The following EIF4G2 variants were observed in gnomAD, a reference collection of about 807,000 sequenced individuals.
EIF4G2 encodes DAP-5.
In EIF4G2, 8 loss-of-function variants were observed where a neutral mutation model predicts 117.7. The observed-to-expected ratio is 0.07, with a 90% confidence interval of 0.04 to 0.12. EIF4G2 has a LOEUF of 0.12. Ranked by LOEUF, EIF4G2 falls within the 10% of genes least tolerant of loss-of-function variation. The probability of loss-of-function intolerance (pLI) is 1.00; values close to 1 mark genes in which losing one functional copy is unlikely to be tolerated. For synonymous variants in EIF4G2, 413 were observed against 367.8 expected (o/e 1.12, Z -1.41); for missense variants, 812 against 1,086.2 (o/e 0.75, Z 3.55).
chr11:10,805,258 G>A (rs1847530843), intron 4 of EIF4G2, among the ~76,000 whole-genome samples: 1 of 152,114 alleles, frequency 6.6e-6, no homozygotes, highest in Non-Finnish European at 1.5e-5. Flanking sequence ...CTTTCTCAAG[G>A]TTAGAGCGCA....
intron 5 of EIF4G2, 146 bp downstream of exon 5, chr11:10,804,767 T>G: frequency 1.5e-6 from 1 of 668,716 alleles, no homozygotes; most frequent in Non-Finnish European, 2.6e-6. Flanking sequence ...GTGGTTCTTT[T>G]TAATCACCAT....
In EIF4G2 at chr11:10,803,550, C is replaced by T; in HGVS notation, c.743G>A (p.Gly248Glu). ...CTGACAGAGGCACTCCAAATCCTCTCCCATATCTTTGAGTTGGACTCTCTT... is the reference window on the plus strand; with the variant it reads ...CTGACAGAGGCACTCCAAATCCTCTTCCATATCTTTGAGTTGGACTCTCTT... Residue 248 changes from glycine (G) to glutamate (E), a missense_variant, in exon 9 of 22, where the codon GGA becomes GAA. Around this residue, in one of 4 missense-constraint regions of EIF4G2, gnomAD observed 154 missense variants for 322.1 expected, o/e 0.48. Coordinates refer to ENST00000339995, the MANE Select transcript of EIF4G2 (RefSeq NM_001418.4). This position sits in a 1 kb window ranked among gnomAD's most constrained non-coding sequence, Gnocchi z 4.0. 1 of 1,614,064 alleles carries T rather than the reference C, an allele frequency of 6.2e-7. No homozygotes were observed. Among genetic ancestry groups the T allele is most frequent in the South Asian group, 1.1e-5 (1 of 91,090 alleles).
intron 14 of EIF4G2, 170 bp from the exon 15 acceptor site, chr11:10,801,257 T>C: frequency 1.2e-6 from 1 of 849,702 alleles, no homozygotes; most frequent in South Asian, 1.8e-5. Flanking sequence ...GCAAAAAATT[T>C]AAAGATCTGA....
At chr11:10,807,129 T>C in intron 2 of EIF4G2, 126 bp downstream of exon 2, 2 of 1,403,816 alleles carry the variant, frequency 1.4e-6, no homozygotes, top group Middle Eastern at 3.9e-4. Context: ...TAGAAGGCTG[T>C]CAATGAAAAC....
chr11:10,806,296 G>A (rs921615092), intron 3 of EIF4G2: 5 of 537,358 alleles, frequency 9.3e-6, no homozygotes, highest in Non-Finnish European at 1.7e-5. Flanking sequence ...GAATTTGCAT[G>A]TCTAGTAAAT....
In EIF4G2 at chr11:10,799,052, G is replaced by A. The variant is rs764995237; in HGVS notation, c.2598C>T (p.Phe866=). The stretch of plus-strand genomic sequence containing the variant: ...GGGTTATATCTTCTTTCCAAGCCAA[G>A]AAAGCTTCTTCTTCAATAATTTCCA... Residue 866 remains phenylalanine (F), a synonymous_variant, in exon 21 of 22, where the codon TTC becomes TTT. Transcript: ENST00000339995. 1.2e-6 allele frequency: 2 copies of A among 1,601,050 alleles called. No homozygotes were observed. The highest frequency in any genetic ancestry group is 2.3e-5 in the East Asian group (1 of 44,400).
rs538114641 is a variant in EIF4G2 at position 10,799,268 on chromosome 11, T to A, written c.2481A>T (p.Gln827His). The change falls in exon 20 of 22, where the codon CAA becomes CAT. Residue 827 changes from glutamine to histidine, a missense_variant. This residue lies in a region of EIF4G2 where 571 missense variants were observed against 642.3 expected (regional missense o/e 0.89). Coordinates refer to ENST00000339995, the MANE Select transcript of EIF4G2 (RefSeq NM_001418.4). The stretch of plus-strand genomic sequence containing the variant: ...CCTGGAGAGCATACAGGGCACTGAC[T>A]TGTAGATCAACGTGATCATGAAGAA... The A allele has an allele frequency of 6.2e-7, 1 of 1,614,094 alleles. No individual in the cohort carries two copies. Among genetic ancestry groups the A allele is most frequent in the Admixed American group, 1.7e-5 (1 of 60,004 alleles).
At position 10,802,064 on chromosome 11, in the gene EIF4G2, C is replaced by T. The variant is rs948850303; in HGVS notation, c.1284G>A (p.Lys428=). The T allele has an allele frequency of 1.8e-6, 1 of 549,022 alleles. No homozygotes were observed. The highest frequency in any genetic ancestry group is 1.2e-4 in the Admixed American group (1 of 8,148). The allele number at this position is 549,022 out of a possible 1,614,324, so 34.0% of individuals were successfully genotyped here. A position where few individuals can be genotyped will look rare whatever the true frequency, so the allele number is the denominator to read the frequency against. Residue 428 remains lysine (K), a synonymous_variant, in exon 13 of 22, where the codon AAG becomes AAA. Coordinates refer to ENST00000339995, the MANE Select transcript of EIF4G2 (RefSeq NM_001418.4). ...TATTACTTACCTGGCTTTTCATAAA[C>T]TTGCCTCCCATCTCTCCAAACTGCG...
At chr11:10,799,920 G>C in intron 18 of EIF4G2, 164 bp from the exon 19 acceptor site, 1 of 1,143,922 alleles carries the variant, frequency 8.7e-7, no homozygotes, top group Non-Finnish European at 1.2e-6. Context: ...CGGATCAAAT[G>C]AAAGTAGTTA....
chr11:10,800,153 C>T lies in EIF4G2; in HGVS notation c.2056G>A (p.Asp686Asn). ...AAAAGTTCTGTTAACCATTCTCGAT[C>T]TTGTAATTTAGCTAACTGCTGAAGA... is the stretch of plus-strand genomic sequence containing the variant. Residue 686 changes from aspartate (D) to asparagine (N), a missense_variant, in exon 18 of 22, where the codon GAT becomes AAT. Around this residue, in one of 4 missense-constraint regions of EIF4G2, gnomAD observed 571 missense variants for 642.3 expected, o/e 0.89. Transcript: ENST00000339995. 6.2e-7 allele frequency: 1 copy of T among 1,614,134 alleles called. No individual in the cohort carries two copies. The highest frequency in any genetic ancestry group is 1.1e-5 in the South Asian group (1 of 91,074).
rs948904058 is a variant in EIF4G2 at position 10,801,773 on chromosome 11, C to T, written c.1301G>A (p.Gly434Glu). ...CTGGTTATGGTAGAGCTGGCTTAGC[C>T]CCTATTTCAGAAAAGGAGAAAGAAA... Residue 434 changes from glycine (G) to glutamate (E), a missense_variant and splice_region_variant, in exon 14 of 22, where the codon GGG becomes GAG. This residue lies in a region of EIF4G2 where 571 missense variants were observed against 642.3 expected (regional missense o/e 0.89). Coordinates refer to ENST00000339995, the MANE Select transcript of EIF4G2 (RefSeq NM_001418.4). 1 of 1,612,110 alleles carries T rather than the reference C, an allele frequency of 6.2e-7. No homozygotes were observed. The highest frequency in any genetic ancestry group is 8.5e-7 in the Non-Finnish European group (1 of 1,179,522).
rs757283628 is a variant in EIF4G2 at position 10,803,292 on chromosome 11, G to A, written c.816C>T (p.Ser272=). 136 of 1,613,022 alleles carry A rather than the reference G, an allele frequency of 8.4e-5. No individual in the cohort carries two copies. Among genetic ancestry groups the A allele is most frequent in the Non-Finnish European group, 1.1e-4 (133 of 1,179,718 alleles). ...TTCGGGCAAAGTACTGATCCATTAA[G>A]GACTGATAAGAGAAGAATACATTCA... Residue 272 remains serine (S), a splice_region_variant and synonymous_variant, in exon 10 of 22, where the codon TCC becomes TCT. Transcript: ENST00000339995. This position sits in a 1 kb window ranked among gnomAD's most constrained non-coding sequence, Gnocchi z 4.0.
At position 10,799,509 on chromosome 11, in the gene EIF4G2, A is replaced by G. The variant is rs372279882; in HGVS notation, c.2324+43T>C. The G allele has an allele frequency of 1.1e-3, 1,720 of 1,608,770 alleles. 3 individuals carry two copies. Among genetic ancestry groups the G allele is most frequent in the Middle Eastern group, 3.8e-3 (23 of 6,032 alleles). The stretch of plus-strand genomic sequence containing the variant: ...TCTTAGTCTCCTACGCTTCTTTTCC[A>G]GTACATGAAACATTACCATATGCAG... On this transcript the variant is annotated intron_variant, in intron 19 of 21. Coordinates refer to ENST00000339995, the MANE Select transcript of EIF4G2 (RefSeq NM_001418.4).
intron 18 of EIF4G2, 75 bp downstream of exon 18, chr11:10,800,015 A>T: frequency 6.6e-7 from 1 of 1,519,570 alleles, no homozygotes; most frequent in South Asian, 1.3e-5. Flanking sequence ...TGACCTACAT[A>T]AATCCACTCA....
chr11:10,798,992 C>G lies in EIF4G2; in HGVS notation c.2658G>C (p.Gln886His), dbSNP rs773622044. The G allele has an allele frequency of 6.3e-7, 1 of 1,593,718 alleles. No individual in the cohort carries two copies. The highest frequency in any genetic ancestry group is 8.5e-7 in the Non-Finnish European group (1 of 1,174,872). ...ACCAAATTTTTAACAAAAGACTTACCTGGAACAAAGCCTTGCCTTTTCCCG... is the reference window on the plus strand; with the variant it reads ...ACCAAATTTTTAACAAAAGACTTACGTGGAACAAAGCCTTGCCTTTTCCCG... Residue 886 changes from glutamine (Q) to histidine (H), a missense_variant and splice_region_variant, in exon 21 of 22, where the codon CAG becomes CAC. Transcript: ENST00000339995.
In EIF4G2 at chr11:10,801,732, A is replaced by C; in HGVS notation, c.1342T>G (p.Ser448Ala). 1 of 1,614,158 alleles carries C rather than the reference A, an allele frequency of 6.2e-7. No individual in the cohort carries two copies. Among genetic ancestry groups the C allele is most frequent in the Non-Finnish European group, 8.5e-7 (1 of 1,180,028 alleles). ...TCCTTCGACTGTCCTTGCAGCTGGG[A>C]TAAGAGTCCCTGACTCTGGTTATGG... The change falls in exon 14 of 22, where the codon TCC becomes GCC. Residue 448 changes from serine (S) to alanine (A), a missense_variant. By Grantham distance (99) the Ser-to-Ala change is moderately conservative (BLOSUM62 1). Around this residue, in one of 4 missense-constraint regions of EIF4G2, gnomAD observed 571 missense variants for 642.3 expected, o/e 0.89. Transcript: ENST00000339995.
At chr11:10,807,532 AC>A (rs1174328469) in intron 1 of EIF4G2, 151 bp from the exon 2 acceptor site, 18 of 1,297,004 alleles carry the variant, frequency 1.4e-5, no homozygotes, top group Non-Finnish European at 1.8e-5. Flanking sequence ...ACTGACAATT[AC>A]ATTTTGTTTA....
At chr11:10,806,213 CCTGAAGGG>C in intron 3 of EIF4G2, 166 bp from the exon 4 acceptor site, 1 of 898,080 alleles carries the variant, frequency 1.1e-6, no homozygotes. Context: ...ATCAGAATCA[CCTGAAGGG>C]CTTGTTAATA....
Position 10,806,056 on chromosome 11 carries a change from T to C in EIF4G2, c.108-9A>G, listed in dbSNP as rs1847560311. ...TTTTCCCCAGGAACTCGCTGATTAA[T>C]AAAAATCAGCAAAAACACTTATTGT... is the stretch of plus-strand genomic sequence containing the variant. On this transcript the variant is annotated splice_polypyrimidine_tract_variant and intron_variant, in intron 3 of 21. Transcript: ENST00000339995. 2 of 1,614,014 alleles carry C rather than the reference T, an allele frequency of 1.2e-6. No homozygotes were observed. Among genetic ancestry groups the C allele is most frequent in the East Asian group, 4.5e-5 (2 of 44,900 alleles).
Sources: allele counts gnomAD v4.1 joint callset (sites outside exome capture counted in the v4.1 genomes callset), GRCh38; gene constraint gnomAD v4.1.1; regional missense constraint gnomAD v4.1.1; non-coding constraint Gnocchi (gnomAD v3.1); transcripts MANE v1.5; gene names NCBI Gene and HGNC (gene_info 2026-07-23, HGNC 2026-07-21).